The following MMP21 variants were observed in gnomAD, a reference collection of about 807,000 sequenced individuals.
MMP21 encodes the protein matrix metalloproteinase-21.
In MMP21, 40 loss-of-function variants were observed where a neutral mutation model predicts 47.8. That is an observed-to-expected ratio of 0.84 (90% CI 0.65 to 1.09). The LOEUF is 1.09. Among genes scored for constraint, MMP21 ranks in the 50% least tolerant of loss-of-function variants. MMP21 has a pLI of 0.00. For missense variants in MMP21, 747 were observed against 775.3 expected (o/e 0.96, Z 0.43); for synonymous variants, 341 against 318.0 (o/e 1.07, Z -0.77).
At chr10:125,774,684 G>T (rs1378991679) in intron 1 of MMP21, among the ~76,000 whole-genome samples, 1 of 152,216 alleles carries the variant, frequency 6.6e-6, no homozygotes, top group African/African-American at 2.4e-5. Context: ...TAGGGCCGGA[G>T]GAGCAGGAGA....
At position 125,770,426 on chromosome 10, in the gene MMP21, A is replaced by G; in HGVS notation, c.1145T>C (p.Ile382Thr). The G allele has an allele frequency of 6.2e-7, 1 of 1,614,198 alleles. No individual in the cohort carries two copies. Among genetic ancestry groups the G allele is most frequent in the Non-Finnish European group, 8.5e-7 (1 of 1,180,032 alleles). Reference sequence around the variant, plus strand: ...TGGGATTCCAGGCCAGCCAGTGAGGATTTGGATAGGGTCCCCATAGCGTGT... The same window carrying G: ...TGGGATTCCAGGCCAGCCAGTGAGGGTTTGGATAGGGTCCCCATAGCGTGT... ...NRTRYGDPIQ[I>T]LTGWPGIPTH... Residue 382 changes from isoleucine (I) to threonine (T), a missense_variant, in exon 5 of 7, where the codon ATC becomes ACC. Coordinates refer to ENST00000368808, the MANE Select transcript of MMP21 (RefSeq NM_147191.1).
Position 125,775,690 on chromosome 10 carries a change from G to T in MMP21, c.132C>A (p.Ala44=), listed in dbSNP as rs1300099825. 6.2e-7 allele frequency: 1 copy of T among 1,612,666 alleles called. No individual in the cohort carries two copies. Among genetic ancestry groups the T allele is most frequent in the East Asian group, 2.2e-5 (1 of 44,812 alleles). Residue 44 remains alanine, a synonymous_variant, in exon 1 of 7, where the codon GCC becomes GCA. Coordinates refer to ENST00000368808, the MANE Select transcript of MMP21 (RefSeq NM_147191.1). ...SDLEPSPLRQ[A]KPIADLHAAQ... is the part of the protein sequence containing the mutation. ...CAGCGTGGAGGTCGGCAATGGGCTT[G>T]GCCTGGCGCAGTGGGGACGGCTCCA...
In MMP21 at chr10:125,773,584, G is replaced by A. The variant is rs562314314; in HGVS notation, c.697+247C>T. Reference sequence around the variant, plus strand: ...CGAGTGGGACTTTGAGGAGCAGCCCGGGCAGCAGCCTGTGCCCAGGGCCGG... The same window carrying A: ...CGAGTGGGACTTTGAGGAGCAGCCCAGGCAGCAGCCTGTGCCCAGGGCCGG... On this transcript the variant is annotated intron_variant, in intron 2 of 6. Coordinates refer to ENST00000368808, the MANE Select transcript of MMP21 (RefSeq NM_147191.1). The surrounding 1 kb of genome is among the most constrained non-coding windows in gnomAD (Gnocchi z 4.8). 6.6e-6 allele frequency among the ~76,000 whole-genome samples: 1 copy of A among 151,772 alleles called. No homozygotes were observed. Among genetic ancestry groups the A allele is most frequent in the Non-Finnish European group, 1.5e-5 (1 of 67,942 alleles).
At chr10:125,767,197 C>T (rs898727945) in intron 6 of MMP21, among the ~76,000 whole-genome samples, 5 of 151,916 alleles carry the variant, frequency 3.3e-5, no homozygotes, top group African/African-American at 1.2e-4. Context: ...GCAAGTGGTG[C>T]AATCACAGCT....
intron 5 of MMP21, among the ~76,000 whole-genome samples, chr10:125,768,508 A>C (rs924158526): frequency 2.0e-5 from 3 of 152,220 alleles, no homozygotes; most frequent in Non-Finnish European, 2.9e-5. Flanking sequence ...AATAGACTAG[A>C]TCCACTTAGA....
rs987864084 is a variant in MMP21, at chr10:125,772,439, C to T, written c.838-80G>A. The T allele has an allele frequency of 1.8e-5, 29 of 1,589,318 alleles. No individual in the cohort carries two copies. In the African/African-American group the frequency reaches 3.0e-4, roughly 16 times the overall value. On this transcript the variant is annotated intron_variant, in intron 3 of 6. Coordinates refer to ENST00000368808, the MANE Select transcript of MMP21 (RefSeq NM_147191.1). The surrounding 1 kb of genome is among the most constrained non-coding windows in gnomAD (Gnocchi z 5.6). Reference sequence around the variant, plus strand: ...GCATAACAGACGCAGGCCTGTGCTTCGAGAGGAGCGTTGCTTGTGAAGAGG... The same window carrying T: ...GCATAACAGACGCAGGCCTGTGCTTTGAGAGGAGCGTTGCTTGTGAAGAGG...
rs1013112568 is a variant in MMP21 at position 125,772,621 on chromosome 10, C to T, written c.827G>A (p.Ser276Asn). The change falls in exon 3 of 7, where the codon AGC becomes AAC. Residue 276 changes from serine to asparagine, a missense_variant. Ser to Asn is a conservative substitution (Grantham distance 46). Coordinates refer to ENST00000368808, the MANE Select transcript of MMP21 (RefSeq NM_147191.1). This position sits in a 1 kb window ranked among gnomAD's most constrained non-coding sequence, Gnocchi z 5.6. ...FTPPTSDTGISLLKVAVHEIG... is the reference protein window; with the variant it reads ...FTPPTSDTGINLLKVAVHEIG... Reference sequence around the variant, plus strand: ...CTCAGGACCACTGACCTTGAGAAGGCTGATGCCCGTGTCACTGGTGGGAGG... The same window carrying T: ...CTCAGGACCACTGACCTTGAGAAGGTTGATGCCCGTGTCACTGGTGGGAGG... The T allele has an allele frequency of 2.3e-5, 37 of 1,614,260 alleles. No homozygotes were observed. The highest frequency in any genetic ancestry group is 2.9e-5 in the Non-Finnish European group (34 of 1,180,036).
rs759682124 is a variant in MMP21, at chr10:125,772,785, G to A, written c.698-35C>T. On this transcript the variant is annotated intron_variant, in intron 2 of 6. Transcript: ENST00000368808. The surrounding 1 kb of genome is among the most constrained non-coding windows in gnomAD (Gnocchi z 5.6). ...GGGAGGAGGAGTTGGTCCCGGTGAA[G>A]GATGAGTGCCCCCCATACAGACTCC... 21 of 1,605,908 alleles carry A rather than the reference G, an allele frequency of 1.3e-5. No individual in the cohort carries two copies. Among genetic ancestry groups the A allele is most frequent in the Non-Finnish European group, 3.4e-6 (4 of 1,176,816 alleles).
chr10:125,772,444 G>C lies in MMP21; in HGVS notation c.838-85C>G. ...ACAGACGCAGGCCTGTGCTTCGAGAGGAGCGTTGCTTGTGAAGAGGGGAGC... is the reference window on the plus strand; with the variant it reads ...ACAGACGCAGGCCTGTGCTTCGAGACGAGCGTTGCTTGTGAAGAGGGGAGC... On this transcript the variant is annotated intron_variant, in intron 3 of 6. Transcript: ENST00000368808. The surrounding 1 kb of genome is among the most constrained non-coding windows in gnomAD (Gnocchi z 5.6). 6.3e-7 allele frequency: 1 copy of C among 1,586,446 alleles called. No individual in the cohort carries two copies. Among genetic ancestry groups the C allele is most frequent in the Admixed American group, 1.7e-5 (1 of 58,904 alleles).
chr10:125,770,143 C>A (rs28381303), intron 5 of MMP21, among the ~76,000 whole-genome samples, 191 bp downstream of exon 5: 2,143 of 152,174 alleles, frequency 0.014, 64 homozygotes, highest in African/African-American at 0.048. Context: ...GAAACTCTGT[C>A]TCAGAAACAA....
intron 4 of MMP21, among the ~76,000 whole-genome samples, chr10:125,771,665 A>G (rs1333916335): frequency 1.3e-5 from 2 of 152,162 alleles, no homozygotes; most frequent in African/African-American, 4.8e-5. Flanking sequence ...GGCCTCCCAA[A>G]GTGCTGGGAT....
chr10:125,774,473 CAG>C (rs993635584), intron 1 of MMP21, 108 bp from the exon 2 acceptor site: 1 of 628,778 alleles, frequency 1.6e-6, no homozygotes, highest in South Asian at 5.2e-5. Context: ...GAGACAGAGA[CAG>C]AGAGAAGCAG....
rs1199261832 is a variant in MMP21 at position 125,770,234 on chromosome 10, CAA to C, written c.1237+98_1237+99del. On this transcript the variant is annotated intron_variant, in intron 5 of 6. Transcript: ENST00000368808. Reference sequence around the variant, plus strand: ...CAGACAGAAATTAAGCAAGTAATGACAAGAGCATTACAACAGATTCCTTGGTA... The same window carrying C: ...CAGACAGAAATTAAGCAAGTAATGACGAGCATTACAACAGATTCCTTGGTA... 2.4e-5 allele frequency: 30 copies of C among 1,231,238 alleles called. No individual in the cohort carries two copies. The African/African-American group carries it at 3.8e-4, about 15-fold the overall frequency. The allele number at this position is 1,231,238 out of a possible 1,614,324, so 76.3% of individuals were successfully genotyped here.
rs961692050 is a variant in MMP21, at chr10:125,773,339, C to T, written c.697+492G>A. ...CCCATCCTTGAGTCTAGGCCAAGAC[C>T]GGATTCCTGGGGACGCCAGCACCCA... On this transcript the variant is annotated intron_variant, in intron 2 of 6. Transcript: ENST00000368808. This position sits in a 1 kb window ranked among gnomAD's most constrained non-coding sequence, Gnocchi z 4.8. Among the ~76,000 whole-genome samples the T allele has an allele frequency of 1.3e-5, 2 of 152,130 alleles. No individual in the cohort carries two copies. The highest frequency in any genetic ancestry group is 1.9e-4 in the East Asian group (1 of 5,136).
In MMP21 at chr10:125,772,574, T is replaced by C. The variant is rs1401458364; in HGVS notation, c.837+37A>G. On this transcript the variant is annotated intron_variant, in intron 3 of 6. Coordinates refer to ENST00000368808, the MANE Select transcript of MMP21 (RefSeq NM_147191.1). This position sits in a 1 kb window ranked among gnomAD's most constrained non-coding sequence, Gnocchi z 5.6. ...TTGGACGTCAGCCCATGAGCACTGC[T>C]GGTGTCTTATCAACACAGTGGCTCA... is the stretch of plus-strand genomic sequence containing the variant. 1.9e-6 allele frequency: 3 copies of C among 1,613,468 alleles called. No homozygotes were observed. The highest frequency in any genetic ancestry group is 4.5e-5 in the East Asian group (2 of 44,872).
At chr10:125,771,030 G>A (rs1369311843) in intron 4 of MMP21, among the ~76,000 whole-genome samples, 9 of 151,012 alleles carry the variant, frequency 6.0e-5, no homozygotes, top group Non-Finnish European at 2.9e-5. Context: ...ACCCTATCTT[G>A]AAAAGAAAAA....
At position 125,773,994 on chromosome 10, in the gene MMP21, C is replaced by A; in HGVS notation, c.534G>T (p.Trp178Cys). The A allele has an allele frequency of 6.4e-7, 1 of 1,558,254 alleles. No individual in the cohort carries two copies. The highest frequency in any genetic ancestry group is 1.4e-5 in the African/African-American group (1 of 71,656). ...TGCTCAGGGCCTCGCCCAGCAGCCG[C>A]CAGCTCAGCGTCCTCTTGGAGAAGG... Reference protein sequence around the residue: ...AQAFSKRTLSWRLLGEALSSQ... With the variant: ...AQAFSKRTLSCRLLGEALSSQ... The change falls in exon 2 of 7, where the codon TGG becomes TGT. Residue 178 changes from tryptophan to cysteine, a missense_variant. Transcript: ENST00000368808. The surrounding 1 kb of genome is among the most constrained non-coding windows in gnomAD (Gnocchi z 4.8).
At position 125,766,516 on chromosome 10, in the gene MMP21, T is replaced by C. The variant is rs574857535; in HGVS notation, c.*146A>G. Reference sequence around the variant, plus strand: ...TGAGCAATTGTTTTTAAATCAAGTATTTTAAAAGTTCAACTAAGGCTTTTC... The same window carrying C: ...TGAGCAATTGTTTTTAAATCAAGTACTTTAAAAGTTCAACTAAGGCTTTTC... On this transcript the variant is annotated 3_prime_UTR_variant, in exon 7 of 7. Coordinates refer to ENST00000368808, the MANE Select transcript of MMP21 (RefSeq NM_147191.1). 31 of 602,830 alleles carry C rather than the reference T, an allele frequency of 5.1e-5. No individual in the cohort carries two copies. In the South Asian group the frequency reaches 8.7e-4, roughly 17 times the overall value. The allele number at this position is 602,830 out of a possible 1,614,324, so 37.3% of individuals were successfully genotyped here. A position where few individuals can be genotyped will look rare whatever the true frequency, so the allele number is the denominator to read the frequency against.
intron 4 of MMP21, 48 bp from the exon 5 acceptor site, chr10:125,770,639 A>G: frequency 6.3e-7 from 1 of 1,595,508 alleles, no homozygotes; most frequent in Non-Finnish European, 8.5e-7. Flanking sequence ...ACATGGTGCA[A>G]AACTTATATT....
Sources: allele counts gnomAD v4.1 joint callset (sites outside exome capture counted in the v4.1 genomes callset), GRCh38; gene constraint gnomAD v4.1.1; non-coding constraint Gnocchi (gnomAD v3.1); transcripts MANE v1.5; gene names NCBI Gene and HGNC (gene_info 2026-07-23, HGNC 2026-07-21).